The following RBM47 variants were observed in gnomAD, a reference collection of about 807,000 sequenced individuals.
RBM47 encodes RNA binding motif protein 47, also known as RNA-binding protein 47.
A neutral mutation model predicts 47.1 loss-of-function variants in RBM47; 21 were observed. That is an observed-to-expected ratio of 0.45 (90% CI 0.32 to 0.64). The LOEUF is 0.64. Among genes scored for constraint, RBM47 ranks in the 30% least tolerant of loss-of-function variants. The pLI is 0.05. For synonymous variants in RBM47, 375 were observed against 361.7 expected, an observed-to-expected ratio of 1.04 and a Z score of -0.42; for missense variants, 708 against 870.9, an observed-to-expected ratio of 0.81 and a Z score of 2.35.
chr4:40,542,398 A>T (rs114761694), intron 2 of RBM47: 3,438 of 152,308 alleles, frequency 0.023, 150 homozygotes, highest in African/African-American at 0.079. Context: ...GCCTGTCTCC[A>T]ATCCCCCTCT....
chr4:40,596,101 T>G (rs1478401430), intron 1 of RBM47, among the ~76,000 whole-genome samples: 2 of 152,218 alleles, frequency 1.3e-5, no homozygotes, highest in African/African-American at 4.8e-5. Flanking sequence ...GGGCAAAGCA[T>G]GCTGCTAAGA....
chr4:40,569,440 G>C (rs1243400210), intron 1 of RBM47, among the ~76,000 whole-genome samples: 22 of 147,450 alleles, frequency 1.5e-4, no homozygotes, highest in East Asian at 6.0e-4. Flanking sequence ...GACGGAGTCT[G>C]GCTCTGTCGC....
intron 1 of RBM47, among the ~76,000 whole-genome samples, chr4:40,626,962 G>A (rs1328636675): frequency 1.3e-5 from 2 of 152,182 alleles, no homozygotes; most frequent in African/African-American, 4.8e-5. Context: ...CTCCTATCTT[G>A]AAACCCAGGT....
intron 2 of RBM47, among the ~76,000 whole-genome samples, chr4:40,509,499 G>A (rs1214255331): frequency 6.6e-6 from 1 of 152,092 alleles, no homozygotes; most frequent in Non-Finnish European, 1.5e-5. Flanking sequence ...CAGTTTGGGT[G>A]GTCTAGGTGG....
chr4:40,611,397 G>A (rs889984196), intron 1 of RBM47, among the ~76,000 whole-genome samples: 3 of 152,072 alleles, frequency 2.0e-5, no homozygotes, highest in African/African-American at 4.8e-5. Flanking sequence ...TGAATAAATG[G>A]CTGGAGTTGT....
At chr4:40,457,422 CAAA>C (rs35497838) in intron 3 of RBM47, among the ~76,000 whole-genome samples, 3 of 111,596 alleles carry the variant, frequency 2.7e-5, no homozygotes, top group Non-Finnish European at 3.6e-5. Flanking sequence ...GACTCCATCT[CAAA>C]AAAAAAAAAA....
chr4:40,428,752 T>A (rs552010060), intron 6 of RBM47, among the ~76,000 whole-genome samples: 1 of 152,280 alleles, frequency 6.6e-6, no homozygotes, highest in South Asian at 2.1e-4. Flanking sequence ...GGCTTCTCTT[T>A]TCATTCATGT....
Position 40,502,241 on chromosome 4 carries a change from C to A in RBM47, c.-154-35542G>T, listed in dbSNP as rs1270314169. ...AGAAGGGTGGGTACGTCACATTGGA[C>A]AAATCACCTGTTATATTGTTTTCAT... On this transcript the variant is annotated intron_variant, in intron 2 of 6. Coordinates refer to ENST00000295971, the MANE Select transcript of RBM47 (RefSeq NM_001098634.2). 7.1e-5 allele frequency: 11 copies of A among 154,434 alleles called. No homozygotes were observed. The Middle Eastern group carries it at 4.2e-3, about 58-fold the overall frequency. 9.6% of individuals were successfully genotyped at this position (154,434 alleles called of 1,614,324 possible).
At chr4:40,549,529 T>G (rs558438170) in intron 1 of RBM47, among the ~76,000 whole-genome samples, 60 of 151,080 alleles carry the variant, frequency 4.0e-4, no homozygotes, top group African/African-American at 1.4e-3. Flanking sequence ...TGTTCGTTTT[T>G]TTTTTTTTTT....
At chr4:40,479,101 A>C (rs1052990539) in intron 2 of RBM47, among the ~76,000 whole-genome samples, 1 of 152,250 alleles carries the variant, frequency 6.6e-6, no homozygotes. Context: ...ATTAACCAGT[A>C]TTGAAAAACA....
chr4:40,630,004 G>C (rs1053651752), upstream of RBM47: 3 of 151,972 alleles, frequency 2.0e-5, no homozygotes, highest in African/African-American at 7.3e-5. Context: ...TCCCAACACC[G>C]GCAACTTCCC....
intron 2 of RBM47, among the ~76,000 whole-genome samples, chr4:40,494,173 C>T (rs541776799): frequency 1.3e-5 from 2 of 152,172 alleles, no homozygotes; most frequent in South Asian, 2.1e-4. Context: ...CTCGAAAAGA[C>T]AAAACAAGTT....
chr4:40,569,563 C>T (rs916654856), intron 1 of RBM47, among the ~76,000 whole-genome samples: 3 of 148,112 alleles, frequency 2.0e-5, no homozygotes, highest in Non-Finnish European at 3.0e-5. Flanking sequence ...GCGCCCACCA[C>T]CACACCCGGC....
chr4:40,498,670 C>CAAAAAA (rs910303039), intron 2 of RBM47, among the ~76,000 whole-genome samples: 1 of 62,556 alleles, frequency 1.6e-5, no homozygotes, highest in Non-Finnish European at 3.4e-5. Context: ...GACTCCATCT[C>CAAAAAA]AAAAAAAAAA....
chr4:40,448,266 A>AGT (rs148826268), intron 3 of RBM47, among the ~76,000 whole-genome samples: 15,888 of 151,238 alleles, frequency 0.11, 1,077 homozygotes, highest in Middle Eastern at 0.26. Flanking sequence ...TGACTGTGAG[A>AGT]GTGTGTGTGT....
intron 1 of RBM47, among the ~76,000 whole-genome samples, chr4:40,600,506 C>T (rs905887052): frequency 1.5e-4 from 23 of 150,900 alleles, no homozygotes; most frequent in African/African-American, 5.1e-4. Flanking sequence ...TGGTGGCGGG[C>T]GCCTGTAGTC....
intron 1 of RBM47, among the ~76,000 whole-genome samples, chr4:40,572,315 G>A (rs1042540989): frequency 6.7e-6 from 1 of 150,374 alleles, no homozygotes; most frequent in African/African-American, 2.4e-5. Context: ...GCCAGGAGGC[G>A]GAGGTTGCGC....
intron 2 of RBM47, among the ~76,000 whole-genome samples, chr4:40,517,177 C>G (rs1725683298): frequency 6.6e-6 from 1 of 151,690 alleles, no homozygotes; most frequent in African/African-American, 2.4e-5. Flanking sequence ...CCCTCTTGCC[C>G]AGGCTGGAGT....
At chr4:40,582,641 C>T (rs891462450) in intron 1 of RBM47, among the ~76,000 whole-genome samples, 1 of 152,212 alleles carries the variant, frequency 6.6e-6, no homozygotes, top group Non-Finnish European at 1.5e-5. Flanking sequence ...CACTCCAACT[C>T]CATCCTTCCG....
Sources: allele counts gnomAD v4.1 joint callset (sites outside exome capture counted in the v4.1 genomes callset), GRCh38; gene constraint gnomAD v4.1.1; transcripts MANE v1.5; gene names NCBI Gene and HGNC (gene_info 2026-07-23, HGNC 2026-07-21).